Variants in SLC17A4 observed in about 807,000 individuals in gnomAD.
SLC17A4 encodes probable small intestine urate exporter.
SLC17A4 carries 33 observed loss-of-function variants against 52.5 expected under a neutral mutation model. That is an observed-to-expected ratio of 0.63 (90% CI 0.48 to 0.84). The LOEUF (loss-of-function observed/expected upper bound fraction) is 0.84, where lower values mean the gene tolerates loss of function less well. Among genes scored for constraint, SLC17A4 ranks in the 40% least tolerant of loss-of-function variants. The pLI, the probability that SLC17A4 is intolerant of heterozygous loss-of-function variation, is 0.00. For missense variants in SLC17A4, 585 were observed against 597.1 expected, an observed-to-expected ratio of 0.98 and a Z score of 0.21; for synonymous variants, 225 against 216.2, an observed-to-expected ratio of 1.04 and a Z score of -0.36.
intron 8 of SLC17A4, among the ~76,000 whole-genome samples, chr6:25,774,465 C>T (rs1169011869): frequency 1.3e-5 from 2 of 152,154 alleles, no homozygotes; most frequent in African/African-American, 4.8e-5. Flanking sequence ...AGAGAGCTGA[C>T]CTTCTTAGCA....
Position 25,761,967 on chromosome 6 carries a change from C to T in SLC17A4, c.5C>T (p.Ser2Phe). 6.2e-7 allele frequency: 1 copy of T among 1,612,964 alleles called. No individual in the cohort carries two copies. The highest frequency in any genetic ancestry group is 2.2e-5 in the East Asian group (1 of 44,830). Residue 2 changes from serine (S) to phenylalanine (F), a missense_variant, in exon 2 of 12, where the codon TCT becomes TTT. Physicochemically the swap from Ser to Phe is radical, Grantham distance 155. Transcript: ENST00000377905. M[S>F]TGPDVKATVG... Reference sequence around the variant, plus strand: ...CCCTAGGAAGAGAGAACCAAAATGTCTACCGGACCAGATGTCAAGGCTACA... The same window carrying T: ...CCCTAGGAAGAGAGAACCAAAATGTTTACCGGACCAGATGTCAAGGCTACA...
chr6:25,779,256 T>G lies in SLC17A4; in HGVS notation c.*68T>G. On this transcript the variant is annotated 3_prime_UTR_variant, in exon 12 of 12. Coordinates refer to ENST00000377905, the MANE Select transcript of SLC17A4 (RefSeq NM_005495.3). The stretch of plus-strand genomic sequence containing the variant: ...TTGTTTTCCCTCACAGACATTTCTC[T>G]TTCATGCCTGCTTGACTGATAAGCC... 1 of 1,589,786 alleles carries G rather than the reference T, an allele frequency of 6.3e-7. No homozygotes were observed. Among genetic ancestry groups the G allele is most frequent in the Non-Finnish European group, 8.6e-7 (1 of 1,164,318 alleles).
chr6:25,767,586 TCCC>T (rs1412359866), intron 2 of SLC17A4, among the ~76,000 whole-genome samples: 2 of 152,036 alleles, frequency 1.3e-5, no homozygotes, highest in Non-Finnish European at 1.5e-5. Flanking sequence ...AACTTATGTA[TCCC>T]CATAAAAATA....
rs759919499 is a variant in SLC17A4 at position 25,770,459 on chromosome 6, A to G, written c.607A>G (p.Ile203Val). 1 of 1,614,032 alleles carries G rather than the reference A, an allele frequency of 6.2e-7. No individual in the cohort carries two copies. The highest frequency in any genetic ancestry group is 1.1e-5 in the South Asian group (1 of 91,084). ...PPLERSQLTT[I>V]AGSGSMLGSF... ...ACTGGAAAGGAGTCAACTCACCACC[A>G]TTGCTGGATCAGGTAACTGGTACCC... Residue 203 changes from isoleucine (I) to valine (V), a missense_variant, in exon 5 of 12, where the codon ATT (isoleucine) becomes GTT (valine). Physicochemically the swap from Ile to Val is conservative, Grantham distance 29 (BLOSUM62 3). Transcript: ENST00000377905.
rs542571330 is a variant in SLC17A4, at chr6:25,780,286, A to T, written c.*1098A>T. ...GGAGTTCAGTGTCTCGGGAGGGCAG[A>T]TAACTTTAATCAAAGTATCACACAA... On this transcript the variant is annotated 3_prime_UTR_variant, in exon 12 of 12. Coordinates refer to ENST00000377905, the MANE Select transcript of SLC17A4 (RefSeq NM_005495.3). 6.6e-6 allele frequency: 1 copy of T among 152,376 alleles called. No individual in the cohort carries two copies. Among genetic ancestry groups the T allele is most frequent in the South Asian group, 2.1e-4 (1 of 4,832 alleles). The allele number at this position is 152,376 out of a possible 1,614,324, so 9.4% of individuals were successfully genotyped here. A position where few individuals can be genotyped will look rare whatever the true frequency, so the allele number is the denominator to read the frequency against.
At chr6:25,760,197 C>T (rs1269580544) in intron 1 of SLC17A4, among the ~76,000 whole-genome samples, 1 of 152,150 alleles carries the variant, frequency 6.6e-6, no homozygotes, top group African/African-American at 2.4e-5. Context: ...GATAGCAAAG[C>T]GAAGCACATT....
At position 25,770,374 on chromosome 6, in the gene SLC17A4, T is replaced by G. The variant is rs1299345447; in HGVS notation, c.532-10T>G. On this transcript the variant is annotated splice_polypyrimidine_tract_variant and intron_variant, in intron 4 of 11. Coordinates refer to ENST00000377905, the MANE Select transcript of SLC17A4 (RefSeq NM_005495.3). Reference sequence around the variant, plus strand: ...CCTCAGATCTCCAAGAATGGAATTTTTCCCCCCAGGTTATGGTATTAACTG... The same window carrying G: ...CCTCAGATCTCCAAGAATGGAATTTGTCCCCCCAGGTTATGGTATTAACTG... The G allele has an allele frequency of 3.7e-6, 6 of 1,614,130 alleles. No individual in the cohort carries two copies. The highest frequency in any genetic ancestry group is 5.1e-6 in the Non-Finnish European group (6 of 1,179,960).
intron 6 of SLC17A4, 39 bp downstream of exon 6, chr6:25,771,051 G>A: frequency 6.8e-7 from 1 of 1,480,318 alleles, no homozygotes; most frequent in Non-Finnish European, 9.5e-7. Flanking sequence ...TTATGACAGA[G>A]ACTTCTGTGA....
chr6:25,771,219 C>T (rs1346169098), intron 6 of SLC17A4, among the ~76,000 whole-genome samples: 1 of 152,124 alleles, frequency 6.6e-6, no homozygotes, highest in Admixed American at 6.5e-5. Flanking sequence ...CATAACATTC[C>T]TTACTGCTTC....
intron 2 of SLC17A4, among the ~76,000 whole-genome samples, chr6:25,765,692 AAGG>A (rs1385771934): frequency 6.6e-6 from 1 of 152,220 alleles, no homozygotes; most frequent in Non-Finnish European, 1.5e-5. Flanking sequence ...TAGTAGCAGC[AAGG>A]AGAAGATAGA....
intron 1 of SLC17A4, among the ~76,000 whole-genome samples, chr6:25,757,258 A>G (rs1253192739): frequency 6.6e-6 from 1 of 152,140 alleles, no homozygotes; most frequent in African/African-American, 2.4e-5. Context: ...CCAAAGGATC[A>G]GGTCTATTTT....
chr6:25,773,395 T>C lies in SLC17A4; in HGVS notation c.825+2T>C, dbSNP rs1762638813. 5 of 1,613,296 alleles carry C rather than the reference T, an allele frequency of 3.1e-6. No homozygotes were observed. In the East Asian group the frequency reaches 1.1e-4, roughly 36 times the overall value. ...ATTGTGTGTTCATTGGCTCAGCAGG[T>C]ACATTGAGGAACTCCTCTGACATTT... is the stretch of plus-strand genomic sequence containing the variant. On this transcript the variant is annotated splice_donor_variant, in intron 7 of 11. Transcript: ENST00000377905. LOFTEE classifies it high-confidence loss of function.
At chr6:25,761,480 C>T (rs1761525307) in intron 1 of SLC17A4, among the ~76,000 whole-genome samples, 1 of 152,194 alleles carries the variant, frequency 6.6e-6, no homozygotes, top group Non-Finnish European at 1.5e-5. Flanking sequence ...ATATCTCTTA[C>T]TGTCTTTGCA....
chr6:25,762,090 C>A, intron 2 of SLC17A4, 37 bp downstream of exon 2: 1 of 1,567,976 alleles, frequency 6.4e-7, no homozygotes, highest in Non-Finnish European at 8.7e-7. Context: ...GTAAATAAAA[C>A]TAGGATCTGT....
At position 25,779,178 on chromosome 6, in the gene SLC17A4, C is replaced by T. The variant is rs375553351; in HGVS notation, c.1484C>T (p.Thr495Ile). 6.2e-7 allele frequency: 1 copy of T among 1,613,702 alleles called. No homozygotes were observed. Among genetic ancestry groups the T allele is most frequent in the Non-Finnish European group, 8.5e-7 (1 of 1,179,720 alleles). The change falls in exon 12 of 12, where the codon ACC (threonine) becomes ATC (isoleucine). Residue 495 changes from threonine (T) to isoleucine (I), a missense_variant. By Grantham distance (89) the Thr-to-Ile change is moderately conservative (BLOSUM62 -1). Transcript: ENST00000377905. ...VQDWAKEQTF[T>I]HL ...GACTGGGCTAAAGAGCAGACATTCA[C>T]CCACCTCTGAGCAAACCGAGAGATG...
At chr6:25,778,634 CAG>C (rs1763134680) in intron 11 of SLC17A4, among the ~76,000 whole-genome samples, 1 of 152,168 alleles carries the variant, frequency 6.6e-6, no homozygotes, top group South Asian at 2.1e-4. Context: ...AGAAAAGAAA[CAG>C]AAAGAAATCT....
intron 2 of SLC17A4, 64 bp from the exon 3 acceptor site, chr6:25,768,921 C>T (rs1762246006): frequency 1.4e-6 from 2 of 1,442,636 alleles, no homozygotes; most frequent in Non-Finnish European, 1.9e-6. Context: ...CTCCTTCTTC[C>T]AGACTTAGGG....
chr6:25,772,214 C>A (rs555082382), intron 6 of SLC17A4, among the ~76,000 whole-genome samples: 25 of 152,220 alleles, frequency 1.6e-4, no homozygotes, highest in African/African-American at 5.5e-4. Flanking sequence ...TCTTACTGTG[C>A]TTATGGTTTC....
chr6:25,777,094 C>T (rs891830945), intron 10 of SLC17A4, 135 bp downstream of exon 10: 2 of 954,176 alleles, frequency 2.1e-6, no homozygotes, highest in Admixed American at 5.4e-5. Context: ...CTACATCCTA[C>T]ATCTAAATAA....
Sources: allele counts gnomAD v4.1 joint callset (sites outside exome capture counted in the v4.1 genomes callset), GRCh38; gene constraint gnomAD v4.1.1; transcripts MANE v1.5; gene names NCBI Gene and HGNC (gene_info 2026-07-23, HGNC 2026-07-21).